Variants in PRKAG2 observed in about 807,000 individuals in gnomAD.
PRKAG2 encodes the protein protein kinase AMP-activated non-catalytic subunit gamma 2.
A neutral mutation model predicts 69.6 loss-of-function variants in PRKAG2; 26 were observed. The ratio of observed to expected loss-of-function variants is 0.37; its 90% CI spans 0.27 to 0.52. The LOEUF (loss-of-function observed/expected upper bound fraction) is 0.52. PRKAG2 is among the 20% of genes least tolerant of loss of function. The pLI is 0.90. For missense variants in PRKAG2, 557 were observed against 740.0 expected (o/e 0.75, Z 2.87); for synonymous variants, 293 against 285.0 (o/e 1.03, Z -0.28).
At chr7:151,599,826 G>T (rs778805585) in intron 5 of PRKAG2, among the ~76,000 whole-genome samples, 2 of 152,170 alleles carry the variant, frequency 1.3e-5, no homozygotes, top group African/African-American at 2.4e-5. Context: ...CAGGATTGGG[G>T]ACCCCTGACC....
At chr7:151,725,582 C>A (rs554192675) in intron 3 of PRKAG2, among the ~76,000 whole-genome samples, 2 of 151,554 alleles carry the variant, frequency 1.3e-5, no homozygotes, top group African/African-American at 4.8e-5. Context: ...AAGAGCCAGG[C>A]TGGGTGTGGT....
chr7:151,679,370 A>G (rs181626320), intron 3 of PRKAG2, among the ~76,000 whole-genome samples: 54 of 152,268 alleles, frequency 3.5e-4, no homozygotes, highest in African/African-American at 1.0e-3. Context: ...CAAAGTCTCC[A>G]GCAGGGGCTC....
At chr7:151,826,450 TG>T in intron 1 of PRKAG2, among the ~76,000 whole-genome samples, 1 of 152,310 alleles carries the variant, frequency 6.6e-6, no homozygotes, top group Middle Eastern at 3.4e-3. Flanking sequence ...CCCAAAGTGC[TG>T]GGATTACAGA....
At chr7:151,766,992 A>G (rs1426973633) in intron 3 of PRKAG2, among the ~76,000 whole-genome samples, 3 of 152,212 alleles carry the variant, frequency 2.0e-5, no homozygotes, top group African/African-American at 7.2e-5. Context: ...GTCATTGAAG[A>G]TGTGGTTAGC....
chr7:151,799,193 G>T (rs989106780), intron 1 of PRKAG2, among the ~76,000 whole-genome samples: 1 of 152,336 alleles, frequency 6.6e-6, no homozygotes, highest in Middle Eastern at 3.4e-3. Context: ...TGTTACAGGT[G>T]GGGTAACAGA....
intron 5 of PRKAG2, chr7:151,631,800 A>G: frequency 2.0e-6 from 1 of 488,540 alleles, no homozygotes; most frequent in Non-Finnish European, 4.0e-6. Flanking sequence ...TAAGGACAAA[A>G]GGGCCGCCCG....
chr7:151,859,383 G>A (rs140909904), intron 1 of PRKAG2, among the ~76,000 whole-genome samples: 116 of 152,336 alleles, frequency 7.6e-4, no homozygotes, highest in African/African-American at 2.5e-3. Context: ...GGTGGGATGC[G>A]ACTGCCAGCC....
intron 3 of PRKAG2, chr7:151,734,156 C>T (rs1029662976): frequency 1.3e-5 from 2 of 152,350 alleles, no homozygotes; most frequent in African/African-American, 2.4e-5. Context: ...TGCTCTCCCC[C>T]GAGGACTCAG....
chr7:151,636,243 T>G (rs1825722790), intron 4 of PRKAG2, among the ~76,000 whole-genome samples: 2 of 152,166 alleles, frequency 1.3e-5, no homozygotes, highest in Admixed American at 1.3e-4. Context: ...TATTCAGAAT[T>G]GTGCAACTAT....
At chr7:151,714,451 GTCCTCCCATCCACATGCCGCCA>G (rs1292794090) in intron 3 of PRKAG2, among the ~76,000 whole-genome samples, 1 of 104,962 alleles carries the variant, frequency 9.5e-6, no homozygotes, top group African/African-American at 4.2e-5. Context: ...GCGACCCGCC[GTCCTCCCATCCACATGCCGCCA>G]TCCTCCCATC....
At chr7:151,723,099 A>C (rs1194320226) in intron 3 of PRKAG2, among the ~76,000 whole-genome samples, 13 of 152,160 alleles carry the variant, frequency 8.5e-5, no homozygotes, top group Non-Finnish European at 1.5e-5. Context: ...CGGCTCTGAG[A>C]GGTGGACCAC....
At chr7:151,668,412 T>G (rs1441109412) in intron 4 of PRKAG2, among the ~76,000 whole-genome samples, 2 of 152,238 alleles carry the variant, frequency 1.3e-5, no homozygotes, top group Non-Finnish European at 2.9e-5. Flanking sequence ...TCAAATCTGC[T>G]GGATACATGA....
At chr7:151,684,218 G>A (rs918567455) in intron 3 of PRKAG2, among the ~76,000 whole-genome samples, 3 of 152,144 alleles carry the variant, frequency 2.0e-5, no homozygotes, top group African/African-American at 7.2e-5. Context: ...CTCCAGGCCT[G>A]GGCGGTAATG....
At chr7:151,795,881 ATATATAT>A (rs2077503837) in intron 1 of PRKAG2, among the ~76,000 whole-genome samples, 3 of 117,082 alleles carry the variant, frequency 2.6e-5, no homozygotes, top group African/African-American at 6.8e-5. Context: ...ATATATATAT[ATATATAT>A]ATCACGATAA....
intron 1 of PRKAG2, among the ~76,000 whole-genome samples, chr7:151,843,493 T>C (rs747967048): frequency 2.6e-5 from 4 of 152,206 alleles, no homozygotes; most frequent in Non-Finnish European, 5.9e-5. Context: ...GTTTCATGAA[T>C]TATGTCACCA....
At position 151,777,869 on chromosome 7, in the gene PRKAG2, AG is replaced by A. The variant is rs1334792666; in HGVS notation, c.466+3282del. 6.6e-6 allele frequency among the ~76,000 whole-genome samples: 1 copy of A among 152,194 alleles called. No individual in the cohort carries two copies. Among genetic ancestry groups the A allele is most frequent in the African/African-American group, 2.4e-5 (1 of 41,440 alleles). ...AAAGACCACAGATTAGGATTATGGG[AG>A]GGGCCTGAACCGGGCTAACATGCAG... On this transcript the variant is annotated intron_variant, in intron 3 of 15. Transcript: ENST00000287878. The surrounding 1 kb of genome is among the most constrained non-coding windows in gnomAD (Gnocchi z 4.3).
intron 3 of PRKAG2, among the ~76,000 whole-genome samples, chr7:151,689,494 G>A (rs1230438235): frequency 6.6e-6 from 1 of 152,206 alleles, no homozygotes; most frequent in Non-Finnish European, 1.5e-5. Context: ...GTGGGGTATG[G>A]GCCACAGAAG....
rs1796718883 is a variant in PRKAG2, at chr7:151,719,608, A to C, written c.467-43971T>G. On this transcript the variant is annotated intron_variant, in intron 3 of 15. Coordinates refer to ENST00000287878, the MANE Select transcript of PRKAG2 (RefSeq NM_016203.4). This position sits in a 1 kb window ranked among gnomAD's most constrained non-coding sequence, Gnocchi z 5.2. ...CTCATCCTTCCCGGGCAGTTCCCCC[A>C]GTGAGTCTGGTGTGTGTTGAGTCCT... 6.6e-6 allele frequency among the ~76,000 whole-genome samples: 1 copy of C among 152,034 alleles called. No homozygotes were observed. Among genetic ancestry groups the C allele is most frequent in the African/African-American group, 2.4e-5 (1 of 41,418 alleles).
rs1227406957 is a variant in PRKAG2, at chr7:151,637,413, CAACA to C, written c.685-5279_685-5276del. Among the ~76,000 whole-genome samples the C allele has an allele frequency of 3.9e-5, 6 of 151,940 alleles. No homozygotes were observed. In the East Asian group the frequency reaches 1.2e-3, roughly 29 times the overall value. On this transcript the variant is annotated intron_variant, in intron 4 of 15. Transcript: ENST00000287878. ...TTGTTTTTTGGGAGGCAGAAATGGG[CAACA>C]AATGGCAGTATGTACGTCAGGAGGA...
Sources: gnomAD v4.1 joint callset for allele counts (sites outside exome capture counted in the v4.1 genomes callset) on GRCh38, gnomAD v4.1.1 for gene constraint, Gnocchi (gnomAD v3.1) non-coding constraint, MANE v1.5 for transcripts, NCBI Gene and HGNC (gene_info 2026-07-23, HGNC 2026-07-21) for gene names.